The following PCDHA7 variants were observed in gnomAD, a reference collection of about 807,000 sequenced individuals.
The protein encoded by PCDHA7 is protocadherin alpha 7, also known as protocadherin alpha-7.
Under a neutral mutation model 57.2 loss-of-function variants are expected in PCDHA7, and 37 were observed. The observed-to-expected ratio is 0.65, with a 90% CI of 0.50 to 0.85. The LOEUF (loss-of-function observed/expected upper bound fraction) is 0.85. Ranked by LOEUF, PCDHA7 falls within the 40% of genes least tolerant of loss-of-function variation. The pLI is 0.00. For missense variants in PCDHA7, 1,188 were observed against 1,241.8 expected, an observed-to-expected ratio of 0.96 and a Z score of 0.65; for synonymous variants, 553 against 558.8, an observed-to-expected ratio of 0.99 and a Z score of 0.15.
intron 1 of PCDHA7, chr5:140,966,857 C>A: frequency 6.3e-7 from 1 of 1,575,742 alleles, no homozygotes; most frequent in Non-Finnish European, 8.6e-7. Flanking sequence ...TCTCCTGCTG[C>A]TGTTGCTGCT....
At chr5:140,839,863 C>T (rs1776446345) in intron 1 of PCDHA7, among the ~76,000 whole-genome samples, 1 of 151,846 alleles carries the variant, frequency 6.6e-6, no homozygotes, top group African/African-American at 2.4e-5. Flanking sequence ...TTGAGGTGGA[C>T]TTTGAAAGAT....
rs202099274 is a variant in PCDHA7 at position 140,842,659 on chromosome 5, C to G, written c.2355+5921C>G. The G allele has an allele frequency of 6.9e-6, 11 of 1,595,186 alleles. No individual in the cohort carries two copies. The South Asian group carries it at 1.2e-4, about 18-fold the overall frequency. ...CCGCCAGCTTGTCTGTGGAGGTGGC[C>G]GACGTGAACGACAATGCTCCGGCGT... On this transcript the variant is annotated intron_variant, in intron 1 of 3. Transcript: ENST00000525929.
rs1169981457 is a variant in PCDHA7, at chr5:140,955,139, G to GT, written c.2356-23805dup. ...TTCTGTTCCACTGGTCTACACGTCT[G>GT]TTTTTGTACCAGTACCGTGCTGTTT... On this transcript the variant is annotated intron_variant, in intron 1 of 3. Coordinates refer to ENST00000525929, the MANE Select transcript of PCDHA7 (RefSeq NM_018910.3). Among the ~76,000 whole-genome samples the GT allele has an allele frequency of 2.0e-5, 3 of 152,138 alleles. No homozygotes were observed. The East Asian group carries it at 5.8e-4, about 29-fold the overall frequency.
chr5:140,999,885 G>A (rs1250861955), intron 3 of PCDHA7, among the ~76,000 whole-genome samples: 1 of 152,200 alleles, frequency 6.6e-6, no homozygotes, highest in Non-Finnish European at 1.5e-5. Context: ...TAGCCCAGCT[G>A]TAGCTTGGGA....
intron 1 of PCDHA7, among the ~76,000 whole-genome samples, chr5:140,953,785 T>C (rs2094935669): frequency 6.6e-6 from 1 of 152,224 alleles, no homozygotes. Context: ...TTTATTTTTT[T>C]CTTCAACTTT....
At chr5:140,849,663 A>T in intron 1 of PCDHA7, 1 of 1,598,672 alleles carries the variant, frequency 6.3e-7, no homozygotes, top group Non-Finnish European at 8.6e-7. Context: ...CTGCTCCCTG[A>T]CGCCCCACGT....
At chr5:140,850,454 C>T (rs2150484793) in intron 1 of PCDHA7, 2 of 1,597,838 alleles carry the variant, frequency 1.3e-6, no homozygotes, top group Admixed American at 1.7e-5. Context: ...TGGTGAAAGA[C>T]CACGGGGAGC....
At position 140,849,851 on chromosome 5, in the gene PCDHA7, A is replaced by T. The variant is rs148732691; in HGVS notation, c.2355+13113A>T. On this transcript the variant is annotated intron_variant, in intron 1 of 3. Coordinates refer to ENST00000525929, the MANE Select transcript of PCDHA7 (RefSeq NM_018910.3). Reference sequence around the variant, plus strand: ...AGGTGGCCGACGTGAACGACAACGCACCAGCGTTCGCGCAGTCCGAGTACA... The same window carrying T: ...AGGTGGCCGACGTGAACGACAACGCTCCAGCGTTCGCGCAGTCCGAGTACA... The T allele has an allele frequency of 4.9e-4, 784 of 1,598,368 alleles. 43 individuals are homozygous for T. The African/African-American group carries it at 9.3e-3, about 19-fold the overall frequency.
At chr5:140,946,575 G>A (rs1554217641) in intron 1 of PCDHA7, among the ~76,000 whole-genome samples, 3 of 140,788 alleles carry the variant, frequency 2.1e-5, no homozygotes, top group Non-Finnish European at 4.6e-5. Flanking sequence ...ATCAACTTAG[G>A]TGTTCATAGT....
In PCDHA7 at chr5:140,848,617, A is replaced by G; in HGVS notation, c.2355+11879A>G. The G allele has an allele frequency of 4.4e-6, 7 of 1,593,554 alleles. 2 individuals carry two copies. Among genetic ancestry groups the G allele is most frequent in the Non-Finnish European group, 6.0e-6 (7 of 1,163,964 alleles). On this transcript the variant is annotated intron_variant, in intron 1 of 3. Coordinates refer to ENST00000525929, the MANE Select transcript of PCDHA7 (RefSeq NM_018910.3). Reference sequence around the variant, plus strand: ...TACTCCGTCCCGGAGGAAGCCGAACACGGCACCTTCGTGGGCCGCATCGCG... The same window carrying G: ...TACTCCGTCCCGGAGGAAGCCGAACGCGGCACCTTCGTGGGCCGCATCGCG...
At chr5:140,884,006 C>A in intron 1 of PCDHA7, 1 of 1,613,022 alleles carries the variant, frequency 6.2e-7, no homozygotes, top group Non-Finnish European at 8.5e-7. Context: ...AGTGAGCGAG[C>A]TGATGCCGCG....
intron 1 of PCDHA7, among the ~76,000 whole-genome samples, chr5:140,892,799 G>A (rs1222453314): frequency 6.6e-6 from 1 of 152,108 alleles, no homozygotes; most frequent in African/African-American, 2.4e-5. Flanking sequence ...AGAAATTATA[G>A]TTAACCATAT....
intron 3 of PCDHA7, among the ~76,000 whole-genome samples, chr5:141,008,816 C>T (rs2098391999): frequency 6.6e-6 from 1 of 152,190 alleles, no homozygotes; most frequent in African/African-American, 2.4e-5. Context: ...GCTCAATTTA[C>T]AACAGGATTC....
chr5:140,850,365 G>A (rs2150481125), intron 1 of PCDHA7: 1 of 1,597,962 alleles, frequency 6.3e-7, no homozygotes, highest in South Asian at 1.1e-5. Context: ...CCCGTTCCGC[G>A]TGGGGCTGTA....
At chr5:140,893,456 C>G (rs781790396) in intron 1 of PCDHA7, among the ~76,000 whole-genome samples, 44 of 151,918 alleles carry the variant, frequency 2.9e-4, no homozygotes, top group Non-Finnish European at 2.6e-4. Flanking sequence ...AGTTCAAGAC[C>G]AGCCTGGGCA....
At chr5:140,923,983 T>C (rs1180891950) in intron 1 of PCDHA7, among the ~76,000 whole-genome samples, 1 of 152,220 alleles carries the variant, frequency 6.6e-6, no homozygotes, top group African/African-American at 2.4e-5. Context: ...ACTATCCCTC[T>C]AGGTGCAGCT....
chr5:140,962,143 G>C (rs964011627), intron 1 of PCDHA7, among the ~76,000 whole-genome samples: 1 of 151,968 alleles, frequency 6.6e-6, no homozygotes, highest in Non-Finnish European at 1.5e-5. Flanking sequence ...CCAAAGTGCT[G>C]GGATTACAGG....
chr5:140,871,234 G>T (rs1554165295), intron 1 of PCDHA7: 3 of 1,613,844 alleles, frequency 1.9e-6, no homozygotes, highest in Non-Finnish European at 2.5e-6. Flanking sequence ...CAGCCTCCTG[G>T]TACTCACGCT....
Position 140,895,882 on chromosome 5 carries a change from G to C in PCDHA7, c.2355+59144G>C, listed in dbSNP as rs1014874596. Among the ~76,000 whole-genome samples the C allele has an allele frequency of 5.3e-5, 8 of 152,250 alleles. No individual in the cohort carries two copies. The East Asian group carries it at 9.6e-4, about 18-fold the overall frequency. On this transcript the variant is annotated intron_variant, in intron 1 of 3. Coordinates refer to ENST00000525929, the MANE Select transcript of PCDHA7 (RefSeq NM_018910.3). ...GCTGGAGTGCAATGGCGCGATCTCGGCTCACTGCAACCTCCGCGTCCCGGG... is the reference window on the plus strand; with the variant it reads ...GCTGGAGTGCAATGGCGCGATCTCGCCTCACTGCAACCTCCGCGTCCCGGG...
Sources: gnomAD v4.1 joint callset for allele counts (sites outside exome capture counted in the v4.1 genomes callset) on GRCh38, gnomAD v4.1.1 for gene constraint, MANE v1.5 for transcripts, NCBI Gene and HGNC (gene_info 2026-07-23, HGNC 2026-07-21) for gene names.